Variants in LDB3 observed in about 807,000 individuals in gnomAD.
LDB3 encodes LIM domain-binding protein 3.
Under a neutral mutation model 69.0 loss-of-function variants are expected in LDB3, and 49 were observed. That is an observed-to-expected ratio of 0.71 (90% CI 0.56 to 0.90). The LOEUF (loss-of-function observed/expected upper bound fraction) is 0.90, where lower values mean the gene tolerates loss of function less well. Ranked by LOEUF, LDB3 falls within the 40% of genes least tolerant of loss-of-function variation. The pLI is 0.00. For missense variants in LDB3, 928 were observed against 974.1 expected (o/e 0.95, Z 0.63); for synonymous variants, 387 against 396.2 (o/e 0.98, Z 0.28).
intron 2 of LDB3, among the ~76,000 whole-genome samples, chr10:86,674,580 C>T (rs1362918693): frequency 2.0e-5 from 3 of 152,144 alleles, no homozygotes; most frequent in East Asian, 3.9e-4. Flanking sequence ...TAGGCTGCAC[C>T]CAGGGTTGGG....
chr10:86,700,443 T>C (rs1421831852), intron 7 of LDB3, among the ~76,000 whole-genome samples: 3 of 152,134 alleles, frequency 2.0e-5, no homozygotes, highest in Admixed American at 6.5e-5. Context: ...GAGCTACTTA[T>C]GCTCGATCCT....
At position 86,668,772 on chromosome 10, in the gene LDB3, C is replaced by G. The variant is rs1554844351; in HGVS notation, c.81C>G (p.Leu27=). The G allele has an allele frequency of 6.2e-7, 1 of 1,612,946 alleles. No individual in the cohort carries two copies. The highest frequency in any genetic ancestry group is 1.3e-5 in the African/African-American group (1 of 74,930). ...GGGGCAAGGACTTCAACATGCCCCT[C>G]ACTATCTCCCGGGTGAGTGCACCCT... ...LQGGKDFNMP[L]TISRITPGSK... Residue 27 remains leucine (L), a synonymous_variant, in exon 2 of 14, where the codon CTC becomes CTG. Coordinates refer to ENST00000361373, the MANE Select transcript of LDB3 (RefSeq NM_007078.3).
In LDB3 at chr10:86,687,280, C is replaced by T. The variant is rs757618215; in HGVS notation, c.690-4616C>T. On this transcript the variant is annotated intron_variant, in intron 5 of 13. Transcript: ENST00000361373. Reference sequence around the variant, plus strand: ...AGGCAGTGACTTCAGTGGGTAAGCGCCTCCCTCCTCCACCGCCACTCAGTG... The same window carrying T: ...AGGCAGTGACTTCAGTGGGTAAGCGTCTCCCTCCTCCACCGCCACTCAGTG... 5 of 1,613,504 alleles carry T rather than the reference C, an allele frequency of 3.1e-6. No individual in the cohort carries two copies. The highest frequency in any genetic ancestry group is 2.5e-6 in the Non-Finnish European group (3 of 1,179,636).
At chr10:86,680,019 C>A in intron 3 of LDB3, 63 bp from the exon 4 acceptor site, 1 of 1,433,588 alleles carries the variant, frequency 7.0e-7, no homozygotes, top group Non-Finnish European at 9.8e-7. Context: ...CAGCCCTGCC[C>A]AGGCAGGAGC....
Position 86,705,164 on chromosome 10 carries a change from G to A in LDB3, c.897-1367G>A, listed in dbSNP as rs148446338. On this transcript the variant is annotated intron_variant, in intron 7 of 13. Transcript: ENST00000361373. ...TTTATTTCTTCCTCCATGAGGTACC[G>A]GTTAAGGATTCAAATCACAACATCC... Among the ~76,000 whole-genome samples, 420 of 152,280 alleles carry A rather than the reference G, an allele frequency of 2.8e-3. 2 individuals are homozygous for A. The highest frequency in any genetic ancestry group is 9.9e-3 in the African/African-American group (411 of 41,548).
chr10:86,723,286 A>G (rs1847148961), intron 12 of LDB3, among the ~76,000 whole-genome samples: 1 of 151,098 alleles, frequency 6.6e-6, no homozygotes, highest in Admixed American at 6.6e-5. Context: ...AAAAAAAAAA[A>G]AAAAAAAAGG....
intron 9 of LDB3, among the ~76,000 whole-genome samples, chr10:86,711,304 C>A (rs535159911): frequency 3.4e-4 from 51 of 152,230 alleles, no homozygotes; most frequent in Admixed American, 2.5e-3. Context: ...CCAGCCCGCC[C>A]TGCGTCTCCT....
chr10:86,730,928 G>C (rs564349631), intron 13 of LDB3, among the ~76,000 whole-genome samples: 89 of 152,224 alleles, frequency 5.8e-4, no homozygotes, highest in Non-Finnish European at 1.2e-3. Context: ...CAAAGCAGGT[G>C]GATTGCTTGG....
chr10:86,721,860 T>G (rs1375926936), intron 12 of LDB3, among the ~76,000 whole-genome samples: 2 of 152,176 alleles, frequency 1.3e-5, no homozygotes, highest in African/African-American at 4.8e-5. Flanking sequence ...CACCTGCAAT[T>G]TGATGGACAG....
intron 7 of LDB3, among the ~76,000 whole-genome samples, chr10:86,694,251 C>T (rs1357891419): frequency 6.6e-6 from 1 of 152,206 alleles, no homozygotes. Context: ...TGGCCTTCCC[C>T]TTCCCTCCTT....
At chr10:86,731,261 G>A (rs1204999278) in intron 13 of LDB3, among the ~76,000 whole-genome samples, 1 of 104,986 alleles carries the variant, frequency 9.5e-6, no homozygotes, top group Non-Finnish European at 1.8e-5. Context: ...ATCTCGCTCT[G>A]TCGCCCAGGC....
chr10:86,667,041 A>C (rs901435425), upstream of LDB3, among the ~76,000 whole-genome samples: 1 of 152,118 alleles, frequency 6.6e-6, no homozygotes, highest in African/African-American at 2.4e-5. Context: ...TGGGGAAGGG[A>C]TGCTGGCCAT....
chr10:86,700,713 A>C (rs1846227665), intron 7 of LDB3, among the ~76,000 whole-genome samples: 1 of 152,112 alleles, frequency 6.6e-6, no homozygotes, highest in Non-Finnish European at 1.5e-5. Flanking sequence ...AGCCAAAAAG[A>C]TCCCAGCCAG....
chr10:86,695,628 C>A (rs148618485), intron 7 of LDB3, among the ~76,000 whole-genome samples: 1 of 152,218 alleles, frequency 6.6e-6, no homozygotes, highest in Non-Finnish European at 1.5e-5. Context: ...GTATAGGTGA[C>A]GCTGTGGCTC....
At chr10:86,715,102 G>C (rs1846815313) in intron 9 of LDB3, among the ~76,000 whole-genome samples, 1 of 152,098 alleles carries the variant, frequency 6.6e-6, no homozygotes, top group African/African-American at 2.4e-5. Context: ...AGAGACTGGA[G>C]ATGGGGCCAG....
intron 5 of LDB3, chr10:86,687,366 C>G (rs372115023): frequency 1.6e-6 from 2 of 1,248,442 alleles, no homozygotes; most frequent in African/African-American, 3.0e-5. Context: ...TCTTCCCTCA[C>G]GTTGGACCTC....
At chr10:86,692,359 CCT>C (rs2132417259) in intron 6 of LDB3, among the ~76,000 whole-genome samples, 174 bp from the exon 7 acceptor site, 1 of 150,564 alleles carries the variant, frequency 6.6e-6, no homozygotes, top group South Asian at 2.1e-4. Flanking sequence ...CAGGCTACCC[CCT>C]GACTCTTTCC....
chr10:86,694,409 G>T (rs1424404164), intron 7 of LDB3, among the ~76,000 whole-genome samples: 1 of 152,186 alleles, frequency 6.6e-6, no homozygotes, highest in African/African-American at 2.4e-5. Flanking sequence ...CCCAGCTACG[G>T]CAGGGTTTCA....
rs1564652951 is a variant in LDB3, at chr10:86,708,445, C to T, written c.1086-1460C>T. 1.3e-5 allele frequency among the ~76,000 whole-genome samples: 2 copies of T among 152,212 alleles called. 1 individual carries two copies. Among genetic ancestry groups the T allele is most frequent in the East Asian group, 3.9e-4 (2 of 5,194 alleles). ...GATGCCATAAGCCTCTGCTCCCTTTCCCAGTGCCAGTCCCTGACTCAGGAC... is the reference window on the plus strand; with the variant it reads ...GATGCCATAAGCCTCTGCTCCCTTTTCCAGTGCCAGTCCCTGACTCAGGAC... On this transcript the variant is annotated intron_variant, in intron 8 of 13. Coordinates refer to ENST00000361373, the MANE Select transcript of LDB3 (RefSeq NM_007078.3).
Sources: gnomAD v4.1 joint callset for allele counts (sites outside exome capture counted in the v4.1 genomes callset) on GRCh38, gnomAD v4.1.1 for gene constraint, MANE v1.5 for transcripts, NCBI Gene and HGNC (gene_info 2026-07-23, HGNC 2026-07-21) for gene names.